Variants in ATP8A1 observed in about 807,000 individuals in gnomAD.
The protein encoded by ATP8A1 is ATPase phospholipid transporting 8A1.
In ATP8A1, 90 loss-of-function variants were observed where a neutral mutation model predicts 177.7. The ratio of observed to expected loss-of-function variants is 0.51; its 90% CI spans 0.43 to 0.60. The LOEUF (loss-of-function observed/expected upper bound fraction) is 0.60. Ranked by LOEUF, ATP8A1 falls within the 20% of genes least tolerant of loss-of-function variation. ATP8A1 has a pLI of 0.00. For missense variants in ATP8A1, 1,072 were observed against 1,392.8 expected, an observed-to-expected ratio of 0.77 and a Z score of 3.67; for synonymous variants, 493 against 485.9, an observed-to-expected ratio of 1.01 and a Z score of -0.19.
At chr4:42,628,908 G>C (rs1287782458) in intron 1 of ATP8A1, among the ~76,000 whole-genome samples, 2 of 152,160 alleles carry the variant, frequency 1.3e-5, no homozygotes, top group Non-Finnish European at 2.9e-5. Flanking sequence ...TTTGAGTGTT[G>C]TATCTACTTT....
chr4:42,551,137 C>G, intron 18 of ATP8A1, 61 bp downstream of exon 18: 1 of 1,376,512 alleles, frequency 7.3e-7, no homozygotes, highest in Non-Finnish European at 1.0e-6. Context: ...ATTACTTTAT[C>G]TTTGAAGCTA....
intron 20 of ATP8A1, among the ~76,000 whole-genome samples, chr4:42,542,207 A>T (rs904029896): frequency 7.9e-5 from 12 of 152,134 alleles, no homozygotes; most frequent in African/African-American, 2.9e-4. Context: ...TCTATATGAA[A>T]TATATTAAAT....
intron 25 of ATP8A1, among the ~76,000 whole-genome samples, chr4:42,477,669 G>A (rs757322313): frequency 1.3e-5 from 2 of 152,024 alleles, no homozygotes; most frequent in Non-Finnish European, 2.9e-5. Context: ...ATAACAAGCA[G>A]TGATAAGAAT....
intron 15 of ATP8A1, among the ~76,000 whole-genome samples, chr4:42,557,058 A>G (rs1045639927): frequency 6.6e-6 from 1 of 152,204 alleles, no homozygotes; most frequent in Non-Finnish European, 1.5e-5. Flanking sequence ...GAGAACATAC[A>G]TAGTATCTTC....
At chr4:42,615,397 G>C (rs1237040755) in intron 5 of ATP8A1, among the ~76,000 whole-genome samples, 2 of 152,008 alleles carry the variant, frequency 1.3e-5, no homozygotes, top group Admixed American at 1.3e-4. Context: ...CTCAGATGGG[G>C]CAAATTCATT....
intron 4 of ATP8A1, among the ~76,000 whole-genome samples, chr4:42,620,364 C>T (rs1737345012): frequency 6.6e-6 from 1 of 152,150 alleles, no homozygotes; most frequent in African/African-American, 2.4e-5. Flanking sequence ...TCTCACAATA[C>T]TATTATTACA....
chr4:42,444,525 A>G, intron 32 of ATP8A1, 53 bp downstream of exon 32: 1 of 1,532,358 alleles, frequency 6.5e-7, no homozygotes, highest in Non-Finnish European at 9.0e-7. Flanking sequence ...AAGACTGGAG[A>G]TAATGCACAA....
chr4:42,606,365 T>G (rs1395520930), intron 5 of ATP8A1, among the ~76,000 whole-genome samples: 1 of 152,190 alleles, frequency 6.6e-6, no homozygotes, highest in East Asian at 1.9e-4. Context: ...ATGGTATGTA[T>G]GTGAAATCTG....
chr4:42,440,783 G>T (rs564555890), intron 33 of ATP8A1, among the ~76,000 whole-genome samples: 1 of 152,236 alleles, frequency 6.6e-6, no homozygotes, highest in South Asian at 2.1e-4. Flanking sequence ...ACCACACAGT[G>T]TCTCACTCTC....
In ATP8A1 at chr4:42,505,405, A is replaced by G. The variant is rs376386951; in HGVS notation, c.2086+1611T>C. 7.2e-5 allele frequency among the ~76,000 whole-genome samples: 11 copies of G among 151,992 alleles called. No homozygotes were observed. In the East Asian group the frequency reaches 1.3e-3, roughly 19 times the overall value. On this transcript the variant is annotated intron_variant, in intron 23 of 36. Coordinates refer to ENST00000381668, the MANE Select transcript of ATP8A1 (RefSeq NM_006095.2). ...AACTTGACATTTTCCTATTTTCCAC[A>G]TTTACTGCCCTTTATTGCCATATAT...
chr4:42,594,253 C>G (rs1333818784), intron 6 of ATP8A1: 1 of 1,270,452 alleles, frequency 7.9e-7, no homozygotes, highest in Non-Finnish European at 1.1e-6. Flanking sequence ...GAGAAACCAT[C>G]CTCTACACTG....
intron 24 of ATP8A1, among the ~76,000 whole-genome samples, chr4:42,501,066 T>G (rs1398226449): frequency 6.6e-6 from 1 of 152,198 alleles, no homozygotes; most frequent in Non-Finnish European, 1.5e-5. Context: ...ATTCAGCTTT[T>G]GGATTTTATC....
chr4:42,493,903 G>A (rs78430360), intron 24 of ATP8A1, among the ~76,000 whole-genome samples: 2 of 152,010 alleles, frequency 1.3e-5, no homozygotes, highest in Admixed American at 6.6e-5. Flanking sequence ...GTCTAACAAA[G>A]GTACTAACAC....
At chr4:42,633,543 G>A (rs1738963485) in intron 1 of ATP8A1, among the ~76,000 whole-genome samples, 2 of 152,088 alleles carry the variant, frequency 1.3e-5, no homozygotes, top group Non-Finnish European at 2.9e-5. Flanking sequence ...ATTTTCTAGA[G>A]AAGAAAAAGA....
chr4:42,586,682 C>G (rs1466428901), intron 8 of ATP8A1, among the ~76,000 whole-genome samples: 1 of 152,126 alleles, frequency 6.6e-6, no homozygotes, highest in Non-Finnish European at 1.5e-5. Context: ...AATAGGGCAC[C>G]TTTATGAGAG....
intron 32 of ATP8A1, 24 bp from the exon 33 acceptor site, chr4:42,443,696 CAA>C (rs1716888208): frequency 1.8e-6 from 2 of 1,094,428 alleles, no homozygotes; most frequent in East Asian, 4.7e-5. Context: ...AAATCTGAGT[CAA>C]AAAAGTTTTA....
At chr4:42,466,493 T>C (rs1482800663) in intron 25 of ATP8A1, among the ~76,000 whole-genome samples, 1 of 152,196 alleles carries the variant, frequency 6.6e-6, no homozygotes, top group Non-Finnish European at 1.5e-5. Context: ...CCAGAGCAGC[T>C]CTGGTTTTTA....
Position 42,492,426 on chromosome 4 carries a change from T to C in ATP8A1, c.2152-6758A>G, listed in dbSNP as rs1722830202. On this transcript the variant is annotated intron_variant, in intron 24 of 36. Coordinates refer to ENST00000381668, the MANE Select transcript of ATP8A1 (RefSeq NM_006095.2). ...GTTGAAATCCTAACTCCTATTTTGATGGCGTTAAGAGGTAGGGTCTTTGGA... is the reference window on the plus strand; with the variant it reads ...GTTGAAATCCTAACTCCTATTTTGACGGCGTTAAGAGGTAGGGTCTTTGGA... 2.0e-5 allele frequency among the ~76,000 whole-genome samples: 3 copies of C among 152,312 alleles called. No individual in the cohort carries two copies. The South Asian group carries it at 6.2e-4, about 32-fold the overall frequency.
chr4:42,560,200 AAG>A (rs775155067), intron 15 of ATP8A1, among the ~76,000 whole-genome samples: 3 of 152,222 alleles, frequency 2.0e-5, no homozygotes, highest in Admixed American at 6.5e-5. Context: ...CTGTAAAAAT[AAG>A]AGAGAAAAAA....
Sources: allele counts gnomAD v4.1 joint callset (sites outside exome capture counted in the v4.1 genomes callset), GRCh38; gene constraint gnomAD v4.1.1; transcripts MANE v1.5; gene names NCBI Gene and HGNC (gene_info 2026-07-23, HGNC 2026-07-21).